The following THSD7A variants were observed in gnomAD, a reference collection of about 807,000 sequenced individuals.
The protein encoded by THSD7A is thrombospondin type-1 domain-containing protein 7A.
In THSD7A, 96 loss-of-function variants were observed where a neutral mutation model predicts 231.3. The ratio of observed to expected loss-of-function variants is 0.41; its 90% confidence interval spans 0.35 to 0.49. The LOEUF (loss-of-function observed/expected upper bound fraction) is 0.49, where lower values mean the gene tolerates loss of function less well. Ranked by LOEUF, THSD7A falls within the 20% of genes least tolerant of loss-of-function variation. The pLI is 0.05. For missense variants in THSD7A, 2,290 were observed against 2,070.2 expected, an observed-to-expected ratio of 1.11 and a Z score of -2.06; for synonymous variants, 940 against 743.3, an observed-to-expected ratio of 1.26 and a Z score of -4.30.
chr7:11,639,357 T>C (rs1209508138), intron 1 of THSD7A, among the ~76,000 whole-genome samples: 1 of 152,170 alleles, frequency 6.6e-6, no homozygotes, highest in Non-Finnish European at 1.5e-5. Flanking sequence ...CATTTTTAGG[T>C]AGGCAGCACT....
intron 1 of THSD7A, among the ~76,000 whole-genome samples, chr7:11,748,636 T>C (rs922791027): frequency 7.2e-5 from 11 of 151,990 alleles, no homozygotes; most frequent in African/African-American, 1.7e-4. Context: ...ATTAAAGCTA[T>C]AAACTTCCAA....
At position 11,566,965 on chromosome 7, in the gene THSD7A, T is replaced by TAGG; in HGVS notation, c.1453+23494_1453+23495insCCT. On this transcript the variant is annotated intron_variant, in intron 4 of 27. Transcript: ENST00000423059. Reference sequence around the variant, plus strand: ...CAAAGTGGATCCAGCTGTGGGAGAGTGGGGGGGGGACTGACCAACAAAGTT... The same window carrying TAGG: ...CAAAGTGGATCCAGCTGTGGGAGAGTAGGGGGGGGGGGACTGACCAACAAAGTT... Among the ~76,000 whole-genome samples, 2 of 92,302 alleles carry TAGG rather than the reference T, an allele frequency of 2.2e-5. 1 individual carries two copies. The highest frequency in any genetic ancestry group is 1.1e-4 in the African/African-American group (2 of 18,004). 60.6% of individuals were successfully genotyped at this position (92,302 alleles called of 152,430 possible). A position where few individuals can be genotyped will look rare whatever the true frequency, so the allele number is the denominator to read the frequency against.
intron 23 of THSD7A, among the ~76,000 whole-genome samples, chr7:11,394,754 G>C (rs915971601): frequency 6.6e-6 from 1 of 152,180 alleles, no homozygotes; most frequent in Admixed American, 6.5e-5. Flanking sequence ...CACTTTGGCA[G>C]CTATAGCCAG....
At chr7:11,526,129 C>A (rs1431696730) in intron 6 of THSD7A, among the ~76,000 whole-genome samples, 1 of 152,140 alleles carries the variant, frequency 6.6e-6, no homozygotes, top group African/African-American at 2.4e-5. Flanking sequence ...TTGTGTGAAA[C>A]AGTCTCTTGA....
intron 1 of THSD7A, among the ~76,000 whole-genome samples, chr7:11,752,248 C>T (rs1472899617): frequency 3.3e-5 from 5 of 152,008 alleles, no homozygotes; most frequent in Admixed American, 6.6e-5. Flanking sequence ...TTTTCAGGGT[C>T]GAGGAGTTTC....
intron 1 of THSD7A, among the ~76,000 whole-genome samples, chr7:11,785,835 A>T (rs1188731782): frequency 6.6e-6 from 1 of 152,152 alleles, no homozygotes; most frequent in Non-Finnish European, 1.5e-5. Flanking sequence ...TAAGACTTAA[A>T]GAATAAAATA....
intron 6 of THSD7A, among the ~76,000 whole-genome samples, chr7:11,499,597 A>C (rs896181880): frequency 6.6e-6 from 1 of 152,238 alleles, no homozygotes; most frequent in African/African-American, 2.4e-5. Context: ...CAGGAGCTGA[A>C]GGACAGCATA....
chr7:11,451,921 G>A (rs1785159723), intron 11 of THSD7A, among the ~76,000 whole-genome samples: 1 of 152,030 alleles, frequency 6.6e-6, no homozygotes, highest in Non-Finnish European at 1.5e-5. Context: ...GTAAGGCCAT[G>A]CACTCATTTT....
intron 6 of THSD7A, among the ~76,000 whole-genome samples, chr7:11,484,713 T>C (rs1786574880): frequency 6.6e-6 from 1 of 151,902 alleles, no homozygotes; most frequent in Non-Finnish European, 1.5e-5. Context: ...AAATAGAATG[T>C]TGGTCTAGAC....
intron 1 of THSD7A, among the ~76,000 whole-genome samples, chr7:11,701,645 G>A (rs192093679): frequency 1.3e-5 from 2 of 151,116 alleles, no homozygotes; most frequent in Admixed American, 1.3e-4. Flanking sequence ...TTGTTAAAAT[G>A]CAGATTCTAA....
At chr7:11,603,896 G>T (rs1055866055) in intron 2 of THSD7A, among the ~76,000 whole-genome samples, 4 of 143,184 alleles carry the variant, frequency 2.8e-5, no homozygotes, top group African/African-American at 1.0e-4. Context: ...GGGGAGGGGG[G>T]AAGGATAGCA....
At chr7:11,758,625 C>T (rs1270562113) in intron 1 of THSD7A, among the ~76,000 whole-genome samples, 1 of 151,992 alleles carries the variant, frequency 6.6e-6, no homozygotes, top group Non-Finnish European at 1.5e-5. Flanking sequence ...TCCGTAACTA[C>T]AGACAGAGGG....
chr7:11,501,406 G>A (rs1020366888), intron 6 of THSD7A, among the ~76,000 whole-genome samples: 13 of 151,994 alleles, frequency 8.6e-5, no homozygotes, highest in African/African-American at 2.9e-4. Context: ...CAAATGTAAA[G>A]GAACCAAAAT....
At chr7:11,460,547 G>A in intron 11 of THSD7A, 115 bp downstream of exon 11, 1 of 715,458 alleles carries the variant, frequency 1.4e-6, no homozygotes, top group Non-Finnish European at 2.2e-6. Flanking sequence ...GCTCATAGCA[G>A]ATTTATATCT....
intron 14 of THSD7A, among the ~76,000 whole-genome samples, chr7:11,427,556 C>T (rs1411630664): frequency 1.3e-5 from 2 of 152,076 alleles, no homozygotes; most frequent in Non-Finnish European, 2.9e-5. Flanking sequence ...CTGAGGAAAA[C>T]ACAGATTTTA....
intron 17 of THSD7A, 59 bp downstream of exon 17, chr7:11,417,391 A>G: frequency 7.0e-7 from 1 of 1,425,036 alleles, no homozygotes. Context: ...ATGTCTTTAA[A>G]GCTTCAGTGG....
intron 13 of THSD7A, among the ~76,000 whole-genome samples, chr7:11,442,159 T>A (rs1178551599): frequency 6.6e-6 from 1 of 152,050 alleles, no homozygotes; most frequent in Non-Finnish European, 1.5e-5. Flanking sequence ...TCAGGATGGA[T>A]GAACTTTTAT....
chr7:11,497,651 G>A (rs1452893733), intron 6 of THSD7A, among the ~76,000 whole-genome samples: 2 of 152,176 alleles, frequency 1.3e-5, no homozygotes, highest in Non-Finnish European at 2.9e-5. Context: ...AAGAATAACT[G>A]TTGACTAGTA....
intron 1 of THSD7A, among the ~76,000 whole-genome samples, chr7:11,769,978 G>A (rs1252058386): frequency 6.6e-6 from 1 of 151,816 alleles, no homozygotes; most frequent in Non-Finnish European, 1.5e-5. Context: ...TGTCACTATG[G>A]CATTTGTCAA....
Sources: gnomAD v4.1 joint callset for allele counts (sites outside exome capture counted in the v4.1 genomes callset) on GRCh38, gnomAD v4.1.1 for gene constraint, MANE v1.5 for transcripts, NCBI Gene and HGNC (gene_info 2026-07-23, HGNC 2026-07-21) for gene names.